Variants in PDE3A observed in about 807,000 individuals in gnomAD.
PDE3A encodes the protein cGMP-inhibited 3',5'-cyclic phosphodiesterase 3A.
In PDE3A, 43 loss-of-function variants were observed where a neutral mutation model predicts 98.3. That is an observed-to-expected ratio of 0.44 (90% CI 0.34 to 0.56). The LOEUF (loss-of-function observed/expected upper bound fraction) is 0.56. Ranked by LOEUF, PDE3A falls within the 20% of genes least tolerant of loss-of-function variation. The probability of loss-of-function intolerance (pLI) is 0.01; values close to 1 mark genes in which losing one functional copy is unlikely to be tolerated. For synonymous variants in PDE3A, 663 were observed against 567.9 expected, an observed-to-expected ratio of 1.17 and a Z score of -2.38; for missense variants, 1,427 against 1,440.7, an observed-to-expected ratio of 0.99 and a Z score of 0.15.
chr12:20,533,544 C>G (rs1941668568), intron 1 of PDE3A, among the ~76,000 whole-genome samples: 1 of 150,706 alleles, frequency 6.6e-6, no homozygotes, highest in Non-Finnish European at 1.5e-5. Context: ...TGCAGTGGCG[C>G]CATTTCGGCT....
chr12:20,467,542 A>C (rs569984177), intron 1 of PDE3A, among the ~76,000 whole-genome samples: 1 of 152,268 alleles, frequency 6.6e-6, no homozygotes, highest in Middle Eastern at 3.4e-3. Context: ...AAAAACATTG[A>C]AATATACATC....
chr12:20,427,431 G>A (rs1341716720), intron 1 of PDE3A, among the ~76,000 whole-genome samples: 4 of 152,126 alleles, frequency 2.6e-5, no homozygotes, highest in Admixed American at 6.5e-5. Context: ...CTGACTTTAC[G>A]TTTTACAGGC....
At chr12:20,649,610 G>A (rs1592146578) in intron 13 of PDE3A, among the ~76,000 whole-genome samples, 1 of 152,224 alleles carries the variant, frequency 6.6e-6, no homozygotes, top group Middle Eastern at 3.4e-3. Context: ...TTTATGAACT[G>A]TAACTATATT....
chr12:20,594,143 T>A (rs533696505), intron 2 of PDE3A, among the ~76,000 whole-genome samples: 26 of 152,256 alleles, frequency 1.7e-4, no homozygotes, highest in South Asian at 1.0e-3. Context: ...TATAATTTTT[T>A]AAAAAATGGT....
chr12:20,378,396 T>C (rs1224017736), intron 1 of PDE3A, among the ~76,000 whole-genome samples: 1 of 151,784 alleles, frequency 6.6e-6, no homozygotes, highest in African/African-American at 2.4e-5. Flanking sequence ...TATATATAGA[T>C]ATATAGATTA....
At chr12:20,527,297 G>A (rs1946542533) in intron 1 of PDE3A, among the ~76,000 whole-genome samples, 2 of 152,090 alleles carry the variant, frequency 1.3e-5, no homozygotes, top group African/African-American at 4.8e-5. Flanking sequence ...TTGAGAAGAT[G>A]AATGGATCAC....
chr12:20,550,558 G>A (rs4304839), intron 1 of PDE3A, among the ~76,000 whole-genome samples: 80,320 of 151,826 alleles, frequency 0.53, 22,803 homozygotes, highest in African/African-American at 0.74. Flanking sequence ...TATAATGCCA[G>A]TAAATCCATA....
At chr12:20,675,245 T>A (rs1215864372) in intron 15 of PDE3A, among the ~76,000 whole-genome samples, 2 of 152,136 alleles carry the variant, frequency 1.3e-5, no homozygotes, top group African/African-American at 4.8e-5. Flanking sequence ...TGTTATTGAT[T>A]TCTAGTTTTA....
At chr12:20,608,508 C>T (rs1943768935) in intron 2 of PDE3A, among the ~76,000 whole-genome samples, 1 of 152,076 alleles carries the variant, frequency 6.6e-6, no homozygotes, top group African/African-American at 2.4e-5. Context: ...GCAAAAGCTA[C>T]AGCATAATAG....
At chr12:20,506,128 G>GTC (rs377692430) in intron 1 of PDE3A, among the ~76,000 whole-genome samples, 1 of 146,810 alleles carries the variant, frequency 6.8e-6, no homozygotes, top group African/African-American at 2.5e-5. Context: ...GTGTGTGTGT[G>GTC]TATGTGTGTG....
At chr12:20,516,459 T>G (rs1253212355) in intron 1 of PDE3A, among the ~76,000 whole-genome samples, 1 of 152,194 alleles carries the variant, frequency 6.6e-6, no homozygotes, top group East Asian at 1.9e-4. Context: ...CACATATATT[T>G]TAAATGTACT....
chr12:20,553,270 C>T (rs1346370224), intron 1 of PDE3A, among the ~76,000 whole-genome samples: 26 of 109,640 alleles, frequency 2.4e-4, no homozygotes, highest in African/African-American at 8.9e-4. Flanking sequence ...TGCAATTTCT[C>T]GACAAAACAA....
chr12:20,682,736 TTTATC>T lies in PDE3A; in HGVS notation c.*2473_*2477del, dbSNP rs1473500743. On this transcript the variant is annotated 3_prime_UTR_variant, in exon 16 of 16. Coordinates refer to ENST00000359062, the MANE Select transcript of PDE3A (RefSeq NM_000921.5). ...CCTTGCAATTAAGGGGAAAAAAGCA[TTTATC>T]TTATCTTCTCATACCCCTTGCATCT... 3 of 152,190 alleles carry T rather than the reference TTTATC, an allele frequency of 2.0e-5. No individual in the cohort carries two copies. The highest frequency in any genetic ancestry group is 7.2e-5 in the African/African-American group (3 of 41,458). 9.4% of individuals were successfully genotyped at this position (152,190 alleles called of 1,614,324 possible).
intron 1 of PDE3A, among the ~76,000 whole-genome samples, chr12:20,486,967 A>G (rs1449594506): frequency 6.6e-6 from 1 of 152,208 alleles, no homozygotes; most frequent in Non-Finnish European, 1.5e-5. Flanking sequence ...TGTTTGTTTG[A>G]GAGTTAGAGA....
rs1041391968 is a variant in PDE3A, at chr12:20,681,520, T to C, written c.*1249T>C. 4 of 152,322 alleles carry C rather than the reference T, an allele frequency of 2.6e-5. No individual in the cohort carries two copies. The East Asian group carries it at 5.8e-4, about 22-fold the overall frequency. The allele number at this position is 152,322 out of a possible 1,614,324, so 9.4% of individuals were successfully genotyped here. A position where few individuals can be genotyped will look rare whatever the true frequency, so the allele number is the denominator to read the frequency against. On this transcript the variant is annotated 3_prime_UTR_variant, in exon 16 of 16. Coordinates refer to ENST00000359062, the MANE Select transcript of PDE3A (RefSeq NM_000921.5). ...TCAACACAGGGTTTTTGTGTTGACA[T>C]AGGAAAAGCCTGATTCTTGGCAACT...
At chr12:20,483,254 T>C (rs919327708) in intron 1 of PDE3A, among the ~76,000 whole-genome samples, 2 of 151,900 alleles carry the variant, frequency 1.3e-5, no homozygotes, top group Non-Finnish European at 2.9e-5. Flanking sequence ...CTGGGCGTGG[T>C]GGTGGGCGCC....
At chr12:20,601,602 T>C (rs939617371) in intron 2 of PDE3A, among the ~76,000 whole-genome samples, 1 of 152,208 alleles carries the variant, frequency 6.6e-6, no homozygotes, top group Non-Finnish European at 1.5e-5. Context: ...GTTTCTAATA[T>C]GTCTTATAAA....
At chr12:20,481,349 G>A (rs1174732879) in intron 1 of PDE3A, among the ~76,000 whole-genome samples, 1 of 152,178 alleles carries the variant, frequency 6.6e-6, no homozygotes, top group Non-Finnish European at 1.5e-5. Context: ...ATGAATGTCT[G>A]AATAATGAAT....
At chr12:20,636,558 A>G (rs1420859214) in intron 8 of PDE3A, among the ~76,000 whole-genome samples, 1 of 152,184 alleles carries the variant, frequency 6.6e-6, no homozygotes, top group Non-Finnish European at 1.5e-5. Flanking sequence ...CCTAAAAAAT[A>G]TGGCAATTGT....
Sources: allele counts gnomAD v4.1 joint callset (sites outside exome capture counted in the v4.1 genomes callset), GRCh38; gene constraint gnomAD v4.1.1; transcripts MANE v1.5; gene names NCBI Gene and HGNC (gene_info 2026-07-23, HGNC 2026-07-21).